INVS: variants seen among roughly 807,000 people sequenced by gnomAD.
The protein encoded by INVS is inversion of embryo turning homolog.
In INVS, 86 loss-of-function variants were observed where a neutral mutation model predicts 108.8. The observed-to-expected ratio is 0.79, with a 90% CI of 0.66 to 0.95. The LOEUF (loss-of-function observed/expected upper bound fraction) is 0.95, where lower values mean the gene tolerates loss of function less well. Among genes scored for constraint, INVS ranks in the 40% least tolerant of loss-of-function variants. The probability of loss-of-function intolerance (pLI) is 0.00; values close to 1 mark genes in which losing one functional copy is unlikely to be tolerated. For synonymous variants in INVS, 455 were observed against 473.5 expected (o/e 0.96, Z 0.51); for missense variants, 1,169 against 1,297.4 (o/e 0.90, Z 1.52).
chr9:100,116,787 G>C, intron 2 of INVS: 1 of 1,416,134 alleles, frequency 7.1e-7, no homozygotes, highest in Non-Finnish European at 9.3e-7. Context: ...GCCTGAGTCC[G>C]CTGCACGGAG....
At chr9:100,219,332 C>T (rs562386877) in intron 3 of INVS, among the ~76,000 whole-genome samples, 1 of 152,334 alleles carries the variant, frequency 6.6e-6, no homozygotes, top group East Asian at 1.9e-4. Flanking sequence ...GTAGGCCAGG[C>T]ACAGTGGTGC....
intron 3 of INVS, 99 bp downstream of exon 3, chr9:100,126,648 A>G (rs972528675): frequency 1.3e-5 from 15 of 1,114,326 alleles, no homozygotes; most frequent in Middle Eastern, 2.0e-4. Context: ...GAAGTCTCAA[A>G]TGCATGACTC....
intron 3 of INVS, among the ~76,000 whole-genome samples, chr9:100,190,215 G>T (rs1830180190): frequency 2.0e-5 from 3 of 151,900 alleles, no homozygotes; most frequent in Admixed American, 2.0e-4. Context: ...GCCTGCTTTT[G>T]GTTTCCATTT....
chr9:100,221,449 T>C (rs898941722), intron 3 of INVS, among the ~76,000 whole-genome samples: 2 of 152,100 alleles, frequency 1.3e-5, no homozygotes, highest in Admixed American at 1.3e-4. Flanking sequence ...ATTACAGGTG[T>C]GAGCCACTGT....
chr9:100,228,093 C>T (rs1329022567), intron 4 of INVS, among the ~76,000 whole-genome samples: 2 of 149,774 alleles, frequency 1.3e-5, no homozygotes, highest in East Asian at 2.0e-4. Flanking sequence ...CAGGTTCAAG[C>T]GATTCTCATG....
chr9:100,260,163 T>C (rs186686821), intron 10 of INVS, among the ~76,000 whole-genome samples: 22 of 147,856 alleles, frequency 1.5e-4, no homozygotes, highest in African/African-American at 5.5e-4. Flanking sequence ...AGCCACCATG[T>C]CCGACCTATT....
chr9:100,261,039 C>G (rs983895125), intron 10 of INVS, among the ~76,000 whole-genome samples: 2 of 152,136 alleles, frequency 1.3e-5, no homozygotes, highest in African/African-American at 4.8e-5. Context: ...ATTAATTTAT[C>G]TCAGTTTAGC....
intron 5 of INVS, among the ~76,000 whole-genome samples, chr9:100,237,178 C>T (rs572084571): frequency 6.6e-6 from 1 of 152,254 alleles, no homozygotes; most frequent in African/African-American, 2.4e-5. Context: ...ACCGCCTACT[C>T]AAGCCTCAGT....
rs1028235389 is a variant in INVS, at chr9:100,189,109, T to C, written c.274-36953T>C. Among the ~76,000 whole-genome samples the C allele has an allele frequency of 2.8e-5, 4 of 144,724 alleles. No individual in the cohort carries two copies. The East Asian group carries it at 5.9e-4, about 21-fold the overall frequency. The allele number at this position is 144,724 out of a possible 152,430, so 94.9% of individuals were successfully genotyped here. On this transcript the variant is annotated intron_variant, in intron 3 of 16. Transcript: ENST00000262457. ...TAATGGAACTTATTTGCATCTTCTT[T>C]TTTTTTTTTTTTTTTTTTGGTTAAT...
intron 12 of INVS, among the ~76,000 whole-genome samples, chr9:100,280,789 C>T (rs962557900): frequency 2.6e-5 from 4 of 152,112 alleles, no homozygotes; most frequent in South Asian, 2.1e-4. Context: ...CTAAACACTA[C>T]GTCGAAAGCT....
At position 100,292,839 on chromosome 9, in the gene INVS, G is replaced by C. The variant is rs760537423; in HGVS notation, c.2582G>C (p.Arg861Thr). The change falls in exon 14 of 17, where the codon AGG becomes ACG. Residue 861 changes from arginine (R) to threonine (T), a missense_variant. Coordinates refer to ENST00000262457, the MANE Select transcript of INVS (RefSeq NM_014425.5). ...STEELRSGAR[R>T]LETSTLSEDF... ...GAGGAGTTGAGGTCAGGAGCTAGGA[G>C]GCTGGAGACATCTACCCTGTCCGAG... The C allele has an allele frequency of 3.9e-5, 63 of 1,614,164 alleles. No homozygotes were observed. The East Asian group carries it at 1.3e-3, about 33-fold the overall frequency.
At chr9:100,100,070 T>C (rs538401063) in intron 1 of INVS, among the ~76,000 whole-genome samples, 1 of 152,282 alleles carries the variant, frequency 6.6e-6, no homozygotes, top group South Asian at 2.1e-4. Context: ...ACCTCTAGTT[T>C]TGTACGGTTA....
intron 3 of INVS, among the ~76,000 whole-genome samples, chr9:100,217,923 A>G (rs929754482): frequency 1.3e-5 from 2 of 152,178 alleles, no homozygotes; most frequent in African/African-American, 4.8e-5. Flanking sequence ...TTTGCGACCT[A>G]TATACTTCCT....
intron 3 of INVS, among the ~76,000 whole-genome samples, chr9:100,183,794 G>GAAAAAA (rs67231511): frequency 1.5e-5 from 1 of 68,714 alleles, no homozygotes; most frequent in Non-Finnish European, 2.9e-5. Context: ...CTGTTTCAGG[G>GAAAAAA]AAAAAAAAAA....
At position 100,240,330 on chromosome 9, in the gene INVS, C is replaced by T. The variant is rs1831827096; in HGVS notation, c.796+90C>T. On this transcript the variant is annotated intron_variant, in intron 6 of 16. Transcript: ENST00000262457. ...CCCTTCCACTGTTTACTCCCAACTC[C>T]TAGTTAATTATTTTGATTTCTAACT... 6.5e-6 allele frequency: 6 copies of T among 917,444 alleles called. No homozygotes were observed. In the South Asian group the frequency reaches 8.2e-5, roughly 13 times the overall value. 56.8% of individuals were successfully genotyped at this position (917,444 alleles called of 1,614,324 possible).
At chr9:100,248,100 G>C (rs775465204) in intron 8 of INVS, among the ~76,000 whole-genome samples, 1 of 152,120 alleles carries the variant, frequency 6.6e-6, no homozygotes, top group Non-Finnish European at 1.5e-5. Context: ...TTACAGGTGT[G>C]AGCCACCGTG....
intron 3 of INVS, among the ~76,000 whole-genome samples, chr9:100,183,496 AT>A (rs1475731083): frequency 6.6e-6 from 1 of 152,314 alleles, no homozygotes; most frequent in East Asian, 1.9e-4. Flanking sequence ...ACAAACCTAT[AT>A]TAAAAGAAAT....
chr9:100,182,870 C>A (rs1366110345), intron 3 of INVS, among the ~76,000 whole-genome samples: 1 of 152,102 alleles, frequency 6.6e-6, no homozygotes, highest in African/African-American at 2.4e-5. Flanking sequence ...GACTTGGAAC[C>A]AACCCAAATG....
intron 2 of INVS, among the ~76,000 whole-genome samples, chr9:100,124,812 T>C (rs1827835260): frequency 6.6e-6 from 1 of 152,260 alleles, no homozygotes; most frequent in African/African-American, 2.4e-5. Flanking sequence ...TTCATAATTT[T>C]GGATTATATC....
Sources: allele counts gnomAD v4.1 joint callset (sites outside exome capture counted in the v4.1 genomes callset), GRCh38; gene constraint gnomAD v4.1.1; transcripts MANE v1.5; gene names NCBI Gene and HGNC (gene_info 2026-07-23, HGNC 2026-07-21).